Variants in CACHD1 observed in about 807,000 individuals in gnomAD.
The protein encoded by CACHD1 is cache domain containing 1, also known as VWFA and cache domain-containing protein 1.
A neutral mutation model predicts 138.7 loss-of-function variants in CACHD1; 71 were observed. That is an observed-to-expected ratio of 0.51 (90% CI 0.42 to 0.62). The LOEUF (loss-of-function observed/expected upper bound fraction) is 0.62, where lower values mean the gene tolerates loss of function less well. CACHD1 is among the 20% of genes least tolerant of loss of function. CACHD1 has a pLI of 0.00. For missense variants in CACHD1, 1,389 were observed against 1,625.3 expected, an observed-to-expected ratio of 0.85 and a Z score of 2.50; for synonymous variants, 578 against 591.5, an observed-to-expected ratio of 0.98 and a Z score of 0.33.
intron 4 of CACHD1, among the ~76,000 whole-genome samples, chr1:64,615,083 C>G (rs892799567): frequency 3.3e-5 from 5 of 152,130 alleles, no homozygotes; most frequent in African/African-American, 1.2e-4. Flanking sequence ...TCAGAATCAC[C>G]CACCTCCATC....
chr1:64,593,215 T>C (rs1289440381), intron 3 of CACHD1, among the ~76,000 whole-genome samples: 1 of 152,210 alleles, frequency 6.6e-6, no homozygotes, highest in Non-Finnish European at 1.5e-5. Context: ...AACTATGTCA[T>C]GTGCATGGCA....
chr1:64,622,387 C>A (rs1434245210), intron 4 of CACHD1, among the ~76,000 whole-genome samples: 1 of 152,204 alleles, frequency 6.6e-6, no homozygotes, highest in Non-Finnish European at 1.5e-5. Flanking sequence ...CCAGCTTTAG[C>A]CGTTCAGCAG....
In CACHD1 at chr1:64,569,495, C is replaced by A. The variant is rs369293020; in HGVS notation, c.262-12661C>A. Among the ~76,000 whole-genome samples, 63 of 152,102 alleles carry A rather than the reference C, an allele frequency of 4.1e-4. No homozygotes were observed. The South Asian group carries it at 0.013, about 31-fold the overall frequency. On this transcript the variant is annotated intron_variant, in intron 2 of 26. Coordinates refer to ENST00000651257, the MANE Select transcript of CACHD1 (RefSeq NM_020925.4). ...AGTTTGTGTTCCCACTCTAAGGAAACAAATGAAGGGACTGGTACTGCTTCT... is the reference window on the plus strand; with the variant it reads ...AGTTTGTGTTCCCACTCTAAGGAAAAAAATGAAGGGACTGGTACTGCTTCT...
At chr1:64,611,569 G>T (rs1021114972) in intron 4 of CACHD1, among the ~76,000 whole-genome samples, 1 of 152,218 alleles carries the variant, frequency 6.6e-6, no homozygotes, top group Admixed American at 6.5e-5. Context: ...AGAAGCAAAA[G>T]TCTCTTTGCT....
At chr1:64,648,823 C>CAGAAAACACAA (rs1376098180) in intron 9 of CACHD1, among the ~76,000 whole-genome samples, 26 of 152,262 alleles carry the variant, frequency 1.7e-4, no homozygotes, top group African/African-American at 6.0e-4. Context: ...ACAACATTTT[C>CAGAAAACACAA]CTCAAGGCAG....
chr1:64,483,681 CAAAAAAA>C (rs10537125), intron 1 of CACHD1, among the ~76,000 whole-genome samples: 4 of 58,202 alleles, frequency 6.9e-5, no homozygotes, highest in Non-Finnish European at 1.6e-4. Context: ...CTGTCTCTAC[CAAAAAAA>C]AAAAAAAAAA....
chr1:64,674,317 T>G (rs1649914826), intron 19 of CACHD1, among the ~76,000 whole-genome samples: 1 of 152,230 alleles, frequency 6.6e-6, no homozygotes, highest in African/African-American at 2.4e-5. Context: ...TGAGAAGCAC[T>G]GTTTTTAAAG....
rs1195597683 is a variant in CACHD1 at position 64,671,479 on chromosome 1, C to A, written c.2388-85C>A. The A allele has an allele frequency of 2.1e-6, 3 of 1,453,550 alleles. No individual in the cohort carries two copies. In the African/African-American group the frequency reaches 4.2e-5, roughly 20 times the overall value. 90.0% of individuals were successfully genotyped at this position (1,453,550 alleles called of 1,614,324 possible). A position where few individuals can be genotyped will look rare whatever the true frequency, so the allele number is the denominator to read the frequency against. ...GAACAGTGGGAAGGTATTTCTAATA[C>A]CAAACAATGTCCCTGTGACTGAACA... On this transcript the variant is annotated intron_variant, in intron 16 of 26. Transcript: ENST00000651257.
chr1:64,664,275 C>A, intron 14 of CACHD1: 1 of 568,122 alleles, frequency 1.8e-6, no homozygotes, highest in South Asian at 2.4e-5. Context: ...ACTCAGAAAG[C>A]CTAGGTAGGG....
rs749418571 is a variant in CACHD1, at chr1:64,654,772, A to G, written c.1751A>G (p.Glu584Gly). 1 of 1,613,618 alleles carries G rather than the reference A, an allele frequency of 6.2e-7. No individual in the cohort carries two copies. The highest frequency in any genetic ancestry group is 1.7e-5 in the Admixed American group (1 of 60,022). ...HINKLRETGK[E>G]AYNVSYAWKM... ...AACAAGCTGAGAGAAACTGGAAAGG[A>G]AGCCTACAATGTTAGCTATGCCTGG... Residue 584 changes from glutamate to glycine, a missense_variant, in exon 12 of 27, where the codon GAA becomes GGA. Glu to Gly is a moderately conservative substitution (Grantham distance 98). Transcript: ENST00000651257.
chr1:64,658,946 AC>A (rs1570459255), intron 13 of CACHD1, 73 bp downstream of exon 13: 26 of 1,265,854 alleles, frequency 2.1e-5, no homozygotes, highest in Non-Finnish European at 2.7e-5. Flanking sequence ...AATACCATCC[AC>A]CCCACCCCTC....
chr1:64,602,964 G>A lies in CACHD1; in HGVS notation c.517+52G>A, dbSNP rs754776559. On this transcript the variant is annotated intron_variant, in intron 4 of 26. Coordinates refer to ENST00000651257, the MANE Select transcript of CACHD1 (RefSeq NM_020925.4). ...ATGAACTGTATTCTACTGCATTCAA[G>A]TTGAATAAACATATTGCTTCAATTT... 1.6e-5 allele frequency: 18 copies of A among 1,154,550 alleles called. No individual in the cohort carries two copies. In the South Asian group the frequency reaches 2.3e-4, roughly 15 times the overall value. The allele number at this position is 1,154,550 out of a possible 1,614,324, so 71.5% of individuals were successfully genotyped here. A position where few individuals can be genotyped will look rare whatever the true frequency, so the allele number is the denominator to read the frequency against.
intron 2 of CACHD1, among the ~76,000 whole-genome samples, chr1:64,557,885 G>A (rs1324697525): frequency 2.0e-5 from 3 of 152,048 alleles, no homozygotes; most frequent in South Asian, 4.2e-4. Flanking sequence ...TGCAACCTCC[G>A]CTTCCTGGGT....
At chr1:64,511,113 T>G (rs1190260359) in intron 1 of CACHD1, among the ~76,000 whole-genome samples, 1 of 152,202 alleles carries the variant, frequency 6.6e-6, no homozygotes, top group Admixed American at 6.5e-5. Context: ...TCTCTACAGG[T>G]ATAGGACATT....
intron 2 of CACHD1, among the ~76,000 whole-genome samples, chr1:64,560,585 T>C (rs1646831125): frequency 6.6e-6 from 1 of 152,118 alleles, no homozygotes; most frequent in Non-Finnish European, 1.5e-5. Context: ...TCAATCCTTT[T>C]TAATTAATTG....
At chr1:64,668,339 A>AT (rs1557548534) in intron 16 of CACHD1, among the ~76,000 whole-genome samples, 4 of 151,166 alleles carry the variant, frequency 2.6e-5, no homozygotes, top group Non-Finnish European at 5.9e-5. Flanking sequence ...AAAAAAAAAA[A>AT]AAGAAAAAGA....
At chr1:64,548,821 T>C (rs1646737422) in intron 1 of CACHD1, among the ~76,000 whole-genome samples, 1 of 152,244 alleles carries the variant, frequency 6.6e-6, no homozygotes. Flanking sequence ...AACTTTTGAT[T>C]TTCAGAGCCT....
At chr1:64,553,241 G>A (rs1449118201) in intron 2 of CACHD1, among the ~76,000 whole-genome samples, 1 of 152,124 alleles carries the variant, frequency 6.6e-6, no homozygotes, top group Non-Finnish European at 1.5e-5. Flanking sequence ...CATTATGATG[G>A]TTCTCCCATG....
At chr1:64,568,372 G>A (rs149511622) in intron 2 of CACHD1, among the ~76,000 whole-genome samples, 14 of 152,172 alleles carry the variant, frequency 9.2e-5, no homozygotes, top group African/African-American at 2.9e-4. Context: ...CTGTTAGTAT[G>A]GTTTCCCTGG....
Sources: gnomAD v4.1 joint callset for allele counts (sites outside exome capture counted in the v4.1 genomes callset) on GRCh38, gnomAD v4.1.1 for gene constraint, MANE v1.5 for transcripts, NCBI Gene and HGNC (gene_info 2026-07-23, HGNC 2026-07-21) for gene names.